The following PDZD4 variants were observed in gnomAD, a reference collection of about 807,000 sequenced individuals.
PDZD4 encodes PDZ domain-containing protein 4.
PDZD4 carries 9 observed loss-of-function variants against 38.5 expected under a neutral mutation model. The ratio of observed to expected loss-of-function variants is 0.23; its 90% confidence interval spans 0.14 to 0.41. PDZD4 has a LOEUF of 0.41. PDZD4 is among the 10% of genes least tolerant of loss of function. The probability of loss-of-function intolerance (pLI) is 1.00; values close to 1 mark genes in which losing one functional copy is unlikely to be tolerated. For synonymous variants in PDZD4, 349 were observed against 315.7 expected (o/e 1.11, Z -1.12); for missense variants, 612 against 722.0 (o/e 0.85, Z 1.75).
intron 1 of PDZD4, among the ~76,000 whole-genome samples, chrX:153,828,365 G>A (rs2064503481): frequency 8.8e-6 from 1 of 113,099 alleles, no homozygotes; most frequent in Non-Finnish European, 1.9e-5. Context: ...AAGGAGGAAT[G>A]TAGAAAGTGA....
At chrX:153,818,043 C>G (rs942168156) in intron 1 of PDZD4, among the ~76,000 whole-genome samples, 2 of 112,168 alleles carry the variant, frequency 1.8e-5, no homozygotes, top group African/African-American at 6.5e-5. Context: ...GTCAGGAGTT[C>G]GAGACCAGCT....
chrX:153,830,194 T>TCCCCGCGGAGGGCCGCGC (rs1411981806), intron 1 of PDZD4, 45 bp downstream of exon 1: 1 of 1,156,289 alleles, frequency 8.6e-7, no homozygotes, highest in Non-Finnish European at 1.2e-6. Flanking sequence ...GGCCCGCTCC[T>TCCCCGCGGAGGGCCGCGC]CCCCGCGGAG....
At chrX:153,817,812 A>C (rs2064378093) in intron 1 of PDZD4, among the ~76,000 whole-genome samples, 1 of 112,220 alleles carries the variant, frequency 8.9e-6, no homozygotes, top group Non-Finnish European at 1.9e-5. Context: ...GAAGGTTTTT[A>C]TCTCTAGCTT....
intron 1 of PDZD4, among the ~76,000 whole-genome samples, 169 bp from the exon 2 acceptor site, chrX:153,808,764 C>T (rs2064280951): frequency 8.8e-6 from 1 of 113,140 alleles, no homozygotes; most frequent in Non-Finnish European, 1.9e-5. Context: ...GCCCCTGTTC[C>T]CAGGCAAGCC....
chrX:153,803,312 G>T lies in PDZD4; in HGVS notation c.*41C>A, dbSNP rs781971869. The T allele has an allele frequency of 9.1e-7, 1 of 1,097,265 alleles. No homozygotes were observed. The highest frequency in any genetic ancestry group is 1.2e-6 in the Non-Finnish European group (1 of 842,140). 90.4% of individuals were successfully genotyped at this position (1,097,265 alleles called of 1,213,427 possible). ...TAGGAGAGTGAGGGCCGGGGCCCCA[G>T]GGGGTTCCCTGGGCCTGGGCCGTGT... On this transcript the variant is annotated 3_prime_UTR_variant, in exon 8 of 8. Transcript: ENST00000393758.
intron 1 of PDZD4, among the ~76,000 whole-genome samples, chrX:153,810,873 T>A (rs1028877833): frequency 8.9e-6 from 1 of 112,930 alleles, no homozygotes; most frequent in Admixed American, 9.3e-5. Context: ...AAGTTTTCTA[T>A]GTCTCCCTTC....
At chrX:153,807,815 A>G (rs2064268830) in intron 2 of PDZD4, 1 of 960,020 alleles carries the variant, frequency 1.0e-6, no homozygotes, top group African/African-American at 2.0e-5. Context: ...CCTGGCCCCA[A>G]AACTAAGGTT....
chrX:153,829,581 C>T (rs781905084), intron 1 of PDZD4: 2 of 364,457 alleles, frequency 5.5e-6, no homozygotes, highest in African/African-American at 5.6e-5. Flanking sequence ...AGCCCCGTTC[C>T]GGGCCGCGGG....
At chrX:153,821,176 C>G (rs1466081827) in intron 1 of PDZD4, among the ~76,000 whole-genome samples, 1 of 111,526 alleles carries the variant, frequency 9.0e-6, no homozygotes, top group Admixed American at 9.5e-5. Flanking sequence ...CTGTGCCCAC[C>G]CTTTCTGCCT....
intron 1 of PDZD4, among the ~76,000 whole-genome samples, chrX:153,826,352 C>A (rs1407398487): frequency 3.6e-5 from 4 of 110,928 alleles, no homozygotes; most frequent in Non-Finnish European, 7.6e-5. Flanking sequence ...ATCTACTAAA[C>A]AAATTATACT....
intron 1 of PDZD4, among the ~76,000 whole-genome samples, chrX:153,826,510 G>GC (rs2064483529): frequency 1.8e-5 from 2 of 109,864 alleles, no homozygotes; most frequent in African/African-American, 6.6e-5. Flanking sequence ...TGGGGTTCAT[G>GC]CGATTCTCTT....
In PDZD4 at chrX:153,822,304, C is replaced by T. The variant is rs1353667291; in HGVS notation, c.60+7935G>A. 3.1e-4 allele frequency among the ~76,000 whole-genome samples: 34 copies of T among 111,265 alleles called. 1 individual carries two copies. The highest frequency in any genetic ancestry group is 5.7e-5 in the Non-Finnish European group (3 of 53,025). ...TCAACCTTCGGGTACATATTCACAG[C>T]TTTCCAGGCACGTGGCCCAGCAACT... On this transcript the variant is annotated intron_variant, in intron 1 of 7. Transcript: ENST00000393758.
intron 1 of PDZD4, among the ~76,000 whole-genome samples, chrX:153,820,378 A>AGGCGT (rs1357831799): frequency 0.016 from 1,331 of 83,949 alleles, 30 homozygotes; most frequent in African/African-American, 0.056. Context: ...AAAAAAAGCG[A>AGGCGT]GGCGTGGTGG....
chrX:153,804,153 G>A lies in PDZD4; in HGVS notation c.1528C>T (p.Arg510Trp), dbSNP rs1013591538. Residue 510 changes from arginine (R) to tryptophan (W), a missense_variant, in exon 8 of 8, where the codon CGG (arginine) becomes TGG (tryptophan). Transcript: ENST00000393758. ...RAMAGNSNLN[R>W]TPPGPAVATP... The stretch of plus-strand genomic sequence containing the variant: ...GCAACAGCGGGGCCGGGAGGGGTCC[G>A]GTTCAAGTTGGAGTTGCCGGCCATG... The A allele has an allele frequency of 1.4e-5, 16 of 1,161,601 alleles. No homozygotes were observed. The East Asian group carries it at 5.1e-4, about 37-fold the overall frequency.
At chrX:153,826,675 G>A (rs181829584) in intron 1 of PDZD4, among the ~76,000 whole-genome samples, 2 of 111,784 alleles carry the variant, frequency 1.8e-5, no homozygotes, top group East Asian at 5.6e-4. Context: ...GCCTCCCAAA[G>A]TGCTGGGATT....
At chrX:153,828,727 A>G (rs2064507958) in intron 1 of PDZD4, among the ~76,000 whole-genome samples, 1 of 112,454 alleles carries the variant, frequency 8.9e-6, no homozygotes, top group Admixed American at 9.4e-5. Flanking sequence ...ATCCTTCTCC[A>G]GGAAAGTCAA....
In PDZD4 at chrX:153,802,745, C is replaced by T. The variant is rs782438581; in HGVS notation, c.*608G>A. ...CCACTCTTCCTCCCCAACTCCCTTC[C>T]CAGCCATCAGTGGAGAGGGGAGTTC... On this transcript the variant is annotated 3_prime_UTR_variant, in exon 8 of 8. Coordinates refer to ENST00000393758, the MANE Select transcript of PDZD4 (RefSeq NM_001303512.2). The T allele has an allele frequency of 2.2e-4, 24 of 111,199 alleles. No homozygotes were observed. The highest frequency in any genetic ancestry group is 6.6e-4 in the African/African-American group (20 of 30,485). The allele number at this position is 111,199 out of a possible 1,213,427, so 9.2% of individuals were successfully genotyped here.
rs375849010 is a variant in PDZD4 at position 153,803,349 on chromosome X, C to T, written c.*4G>A. 8 of 1,129,773 alleles carry T rather than the reference C, an allele frequency of 7.1e-6. No homozygotes were observed. Among genetic ancestry groups the T allele is most frequent in the African/African-American group, 1.8e-5 (1 of 54,652 alleles). 93.1% of individuals were successfully genotyped at this position (1,129,773 alleles called of 1,213,427 possible). On this transcript the variant is annotated 3_prime_UTR_variant, in exon 8 of 8. Coordinates refer to ENST00000393758, the MANE Select transcript of PDZD4 (RefSeq NM_001303512.2). ...GGCCTGGGCCGTGTACCCGCCCGGG[C>T]AGCTCACACGGTGGTGACTGAGAGA... is the stretch of plus-strand genomic sequence containing the variant.
intron 1 of PDZD4, among the ~76,000 whole-genome samples, chrX:153,814,473 A>ACCCCCCCCCCCCCCCCCCC (rs782572040): frequency 7.4e-5 from 3 of 40,355 alleles, no homozygotes; most frequent in Non-Finnish European, 1.3e-4. Flanking sequence ...GACTCCATCC[A>ACCCCCCCCCCCCCCCCCCC]CCCCCCACCC....
Sources: allele counts gnomAD v4.1 joint callset (sites outside exome capture counted in the v4.1 genomes callset), GRCh38; gene constraint gnomAD v4.1.1; transcripts MANE v1.5; gene names NCBI Gene and HGNC (gene_info 2026-07-23, HGNC 2026-07-21).